RPS6KC1: variants seen among roughly 807,000 people sequenced by gnomAD.
RPS6KC1 encodes inactive ribosomal protein S6 kinase delta-1.
RPS6KC1 carries 54 observed loss-of-function variants against 103.8 expected under a neutral mutation model. That is an observed-to-expected ratio of 0.52 (90% CI 0.42 to 0.65). The LOEUF is 0.65. Ranked by LOEUF, RPS6KC1 falls within the 30% of genes least tolerant of loss-of-function variation. The pLI is 0.00. For missense variants in RPS6KC1, 1,151 were observed against 1,253.8 expected (o/e 0.92, Z 1.24); for synonymous variants, 439 against 438.7 (o/e 1.00, Z -0.01).
the RPS6KC1 span, among the ~76,000 whole-genome samples, chr1:213,811,202 C>G: frequency 2.6e-5 from 4 of 152,180 alleles, no homozygotes; most frequent in Non-Finnish European, 4.4e-5. Flanking sequence ...ACATTTAACA[C>G]TCTGAGATTT....
the RPS6KC1 span, among the ~76,000 whole-genome samples, chr1:213,430,860 T>A: frequency 6.6e-6 from 1 of 152,284 alleles, no homozygotes; most frequent in Non-Finnish European, 1.5e-5. Context: ...ATGGCACTAA[T>A]TCAGTGAGAA....
chr1:213,284,798 C>T, the RPS6KC1 span, among the ~76,000 whole-genome samples: 1 of 151,754 alleles, frequency 6.6e-6, no homozygotes, highest in African/African-American at 2.4e-5. Flanking sequence ...ATGACTAATA[C>T]CAAAAAAAGG....
chr1:213,681,668 C>T, the RPS6KC1 span, among the ~76,000 whole-genome samples: 1 of 152,112 alleles, frequency 6.6e-6, no homozygotes, highest in South Asian at 2.1e-4. Flanking sequence ...CATCATGGTA[C>T]ATGCCTGTAG....
At chr1:213,327,573 T>TTGTGTGTGCGTGCGTG in the RPS6KC1 span, among the ~76,000 whole-genome samples, 1 of 151,972 alleles carries the variant, frequency 6.6e-6, no homozygotes, top group Admixed American at 6.6e-5. Flanking sequence ...TTGCTACTAG[T>TTGTGTGTGCGTGCGTG]TGTGTGTGCG....
At chr1:213,639,641 G>A in the RPS6KC1 span, among the ~76,000 whole-genome samples, 10 of 152,056 alleles carry the variant, frequency 6.6e-5, no homozygotes, top group African/African-American at 1.7e-4. Context: ...GTGCTTTCCC[G>A]CATCTATGGA....
chr1:213,423,528 G>T, the RPS6KC1 span, among the ~76,000 whole-genome samples: 2 of 152,160 alleles, frequency 1.3e-5, no homozygotes, highest in African/African-American at 4.8e-5. Context: ...GGTGGCTTTG[G>T]GGGGTGAGGA....
chr1:213,721,486 G>A, the RPS6KC1 span, among the ~76,000 whole-genome samples: 12 of 152,336 alleles, frequency 7.9e-5, no homozygotes, highest in African/African-American at 1.7e-4. Flanking sequence ...CATGTAGGAC[G>A]TGTCTTTTGC....
the RPS6KC1 span, among the ~76,000 whole-genome samples, chr1:213,631,586 C>A: frequency 7.2e-5 from 11 of 151,950 alleles, no homozygotes; most frequent in Admixed American, 7.2e-4. Context: ...AAATTATAAT[C>A]ACTGGGCCAT....
At chr1:213,480,391 A>T in the RPS6KC1 span, among the ~76,000 whole-genome samples, 2 of 151,936 alleles carry the variant, frequency 1.3e-5, no homozygotes, top group Non-Finnish European at 2.9e-5. Context: ...GCAATTGTGA[A>T]TTCTGTCTTG....
the RPS6KC1 span, among the ~76,000 whole-genome samples, chr1:213,834,729 C>G: frequency 6.6e-6 from 1 of 151,906 alleles, no homozygotes; most frequent in Non-Finnish European, 1.5e-5. Context: ...CACACACACA[C>G]CCCAAAATGA....
chr1:213,182,883 CAT>C (rs552412074), intron 8 of RPS6KC1, among the ~76,000 whole-genome samples: 214 of 146,264 alleles, frequency 1.5e-3, no homozygotes, highest in Non-Finnish European at 2.8e-3. Flanking sequence ...ATATATGATG[CAT>C]ATATATGACG....
chr1:213,655,344 A>T, the RPS6KC1 span, among the ~76,000 whole-genome samples: 1 of 152,186 alleles, frequency 6.6e-6, no homozygotes, highest in Non-Finnish European at 1.5e-5. Flanking sequence ...TTCCCAGCCT[A>T]TGGTATATTT....
the RPS6KC1 span, among the ~76,000 whole-genome samples, chr1:213,587,631 ATT>A: frequency 6.6e-6 from 1 of 152,230 alleles, no homozygotes; most frequent in Non-Finnish European, 1.5e-5. Flanking sequence ...TGAGATTTTG[ATT>A]AGCTCCAGAG....
the RPS6KC1 span, among the ~76,000 whole-genome samples, chr1:213,477,422 T>G: frequency 1.3e-5 from 2 of 152,122 alleles, no homozygotes; most frequent in Admixed American, 6.5e-5. Flanking sequence ...TATTGTAGTC[T>G]TCTTAGCATT....
the RPS6KC1 span, among the ~76,000 whole-genome samples, chr1:213,527,392 G>A: frequency 6.6e-6 from 1 of 152,156 alleles, no homozygotes. Flanking sequence ...AGAAAACTGA[G>A]GCTTGGCTAG....
intron 6 of RPS6KC1, among the ~76,000 whole-genome samples, chr1:213,157,313 T>A (rs1319617194): frequency 6.6e-6 from 1 of 151,842 alleles, no homozygotes; most frequent in East Asian, 1.9e-4. Flanking sequence ...TCCTGCCTCA[T>A]CTCCTGCCTC....
chr1:213,756,181 A>G, the RPS6KC1 span, among the ~76,000 whole-genome samples: 2 of 152,216 alleles, frequency 1.3e-5, no homozygotes, highest in Non-Finnish European at 2.9e-5. Flanking sequence ...TCCTGATGTC[A>G]TCATGCCAGG....
the RPS6KC1 span, among the ~76,000 whole-genome samples, chr1:213,448,283 T>A: frequency 7.1e-6 from 1 of 139,952 alleles, no homozygotes; most frequent in Admixed American, 7.0e-5. Context: ...TGTGGTGGAA[T>A]GAAAATAAAT....
intron 6 of RPS6KC1, among the ~76,000 whole-genome samples, chr1:213,161,373 T>TGC (rs2090459320): frequency 6.6e-6 from 1 of 151,708 alleles, no homozygotes; most frequent in Non-Finnish European, 1.5e-5. Context: ...CAGGGTGGAG[T>TGC]GCAGGGGCAC....
Sources: allele counts gnomAD v4.1 joint callset (sites outside exome capture counted in the v4.1 genomes callset), GRCh38; gene constraint gnomAD v4.1.1; transcripts MANE v1.5; gene names NCBI Gene and HGNC (gene_info 2026-07-23, HGNC 2026-07-21).